Variants in EYS observed in about 807,000 individuals in gnomAD.
The protein encoded by EYS is protein eyes shut homolog.
Under a neutral mutation model 282.1 loss-of-function variants are expected in EYS, and 250 were observed. The ratio of observed to expected loss-of-function variants is 0.89; its 90% CI spans 0.80 to 0.98. The LOEUF is 0.98. EYS is among the 50% of genes least tolerant of loss of function. EYS has a pLI of 0.00. For missense variants in EYS, 4,016 were observed against 3,709.0 expected (o/e 1.08, Z -2.15); for synonymous variants, 1,355 against 1,282.9 (o/e 1.06, Z -1.20).
At chr6:65,361,150 G>T (rs1183184583) in intron 8 of EYS, among the ~76,000 whole-genome samples, 2 of 151,764 alleles carry the variant, frequency 1.3e-5, no homozygotes, top group Non-Finnish European at 2.9e-5. Context: ...TCATAGGTGG[G>T]AATTGTACAA....
chr6:65,008,750 C>T (rs1374827308), intron 13 of EYS, among the ~76,000 whole-genome samples: 3 of 152,154 alleles, frequency 2.0e-5, no homozygotes, highest in African/African-American at 7.2e-5. Context: ...GTGCCTGGGG[C>T]AAGCGCCAGC....
intron 29 of EYS, among the ~76,000 whole-genome samples, chr6:64,340,023 C>T (rs1286554295): frequency 7.3e-6 from 1 of 136,876 alleles, no homozygotes; most frequent in African/African-American, 2.8e-5. Flanking sequence ...CATCAAATAT[C>T]ACTTGTACCC....
At chr6:65,052,393 C>T (rs1262377555) in intron 13 of EYS, among the ~76,000 whole-genome samples, 1 of 151,382 alleles carries the variant, frequency 6.6e-6, no homozygotes, top group Non-Finnish European at 1.5e-5. Flanking sequence ...TTTTGTATAT[C>T]AAGACAAATT....
chr6:65,178,332 G>C (rs548582674), intron 12 of EYS, among the ~76,000 whole-genome samples: 1 of 151,964 alleles, frequency 6.6e-6, no homozygotes, highest in African/African-American at 2.4e-5. Flanking sequence ...TTACTGTCTT[G>C]GGTAAATTCC....
chr6:64,492,194 T>C (rs1776759962), intron 26 of EYS, among the ~76,000 whole-genome samples: 1 of 151,140 alleles, frequency 6.6e-6, no homozygotes, highest in East Asian at 1.9e-4. Context: ...AATGAGAAAG[T>C]GGGAAATGTG....
intron 15 of EYS, among the ~76,000 whole-genome samples, chr6:64,929,167 A>C (rs1293963146): frequency 2.0e-5 from 3 of 152,144 alleles, no homozygotes; most frequent in African/African-American, 7.2e-5. Flanking sequence ...AAAGGGGGGA[A>C]ATTTTGACAC....
chr6:65,176,960 T>C (rs1765240382), intron 12 of EYS, among the ~76,000 whole-genome samples: 1 of 151,692 alleles, frequency 6.6e-6, no homozygotes, highest in Admixed American at 6.6e-5. Flanking sequence ...GTTCATATCA[T>C]TATCATATAC....
rs867946761 is a variant in EYS at position 65,490,653 on chromosome 6, C to T, written c.803G>A (p.Gly268Glu). The T allele has an allele frequency of 6.2e-7, 1 of 1,612,842 alleles. No individual in the cohort carries two copies. Among genetic ancestry groups the T allele is most frequent in the Non-Finnish European group, 8.5e-7 (1 of 1,179,248 alleles). ...ATTTGAAGTAATATTGCTGCAGTTT[C>T]CATGGAAACAGACATGTGGTTGACA... The part of the protein sequence containing the change: ...GQCQPHVCFH[G>E]NCSNITSNSF... Residue 268 changes from glycine (G) to glutamate (E), a missense_variant, in exon 5 of 43, where the codon GGA (glycine) becomes GAA (glutamate). Gly to Glu is a moderately conservative substitution (Grantham distance 98, BLOSUM62 -2). Transcript: ENST00000503581.
At chr6:64,429,214 T>C (rs1774505442) in intron 28 of EYS, among the ~76,000 whole-genome samples, 1 of 152,178 alleles carries the variant, frequency 6.6e-6, no homozygotes, top group Non-Finnish European at 1.5e-5. Context: ...AATTTTATAA[T>C]AGGTAATATG....
At chr6:64,458,126 A>T (rs1775615862) in intron 26 of EYS, among the ~76,000 whole-genome samples, 1 of 152,056 alleles carries the variant, frequency 6.6e-6, no homozygotes, top group Non-Finnish European at 1.5e-5. Context: ...CATTTTCTTA[A>T]ATTACATATA....
At chr6:64,703,893 C>A (rs1014410637) in intron 22 of EYS, among the ~76,000 whole-genome samples, 1 of 151,954 alleles carries the variant, frequency 6.6e-6, no homozygotes, top group Non-Finnish European at 1.5e-5. Context: ...GTGAAAATAA[C>A]GAGGGCATTA....
At chr6:64,323,652 T>A (rs1039954906) in intron 29 of EYS, among the ~76,000 whole-genome samples, 4 of 152,284 alleles carry the variant, frequency 2.6e-5, no homozygotes, top group Middle Eastern at 3.4e-3. Context: ...AGCTAGGGGC[T>A]AATTCTTCAC....
At chr6:65,132,741 G>A (rs754455881) in intron 12 of EYS, among the ~76,000 whole-genome samples, 4 of 151,356 alleles carry the variant, frequency 2.6e-5, no homozygotes, top group African/African-American at 4.9e-5. Flanking sequence ...TAAATAAAGC[G>A]TATTCAAATA....
intron 2 of EYS, among the ~76,000 whole-genome samples, chr6:65,639,187 T>C (rs1363035732): frequency 6.6e-6 from 1 of 152,144 alleles, no homozygotes; most frequent in Non-Finnish European, 1.5e-5. Context: ...CCTGAGAATG[T>C]ATGATTAAGA....
At chr6:65,580,926 T>C (rs574233349) in intron 2 of EYS, among the ~76,000 whole-genome samples, 1 of 152,108 alleles carries the variant, frequency 6.6e-6, no homozygotes, top group African/African-American at 2.4e-5. Flanking sequence ...GTATTTCAAA[T>C]TGTAAGCATT....
rs186855483 is a variant in EYS at position 65,166,703 on chromosome 6, T to C, written c.2024-108976A>G. Among the ~76,000 whole-genome samples, 17 of 151,150 alleles carry C rather than the reference T, an allele frequency of 1.1e-4. No individual in the cohort carries two copies. The Admixed American group carries it at 1.1e-3, about 10-fold the overall frequency. On this transcript the variant is annotated intron_variant, in intron 12 of 42. Transcript: ENST00000503581. Reference sequence around the variant, plus strand: ...TAACAAAATCATAAGTGACAAAAAATATTAACATATTTTATGTTTCAAAGG... The same window carrying C: ...TAACAAAATCATAAGTGACAAAAAACATTAACATATTTTATGTTTCAAAGG...
intron 30 of EYS, among the ~76,000 whole-genome samples, chr6:64,306,194 A>G (rs1010251168): frequency 9.9e-5 from 15 of 152,134 alleles, no homozygotes; most frequent in Non-Finnish European, 1.6e-4. Context: ...GGGCTTCTAA[A>G]GGAAAAGAGG....
At chr6:64,274,235 G>A (rs1181496582) in intron 30 of EYS, among the ~76,000 whole-genome samples, 1 of 152,162 alleles carries the variant, frequency 6.6e-6, no homozygotes, top group Non-Finnish European at 1.5e-5. Flanking sequence ...GAGTGCAGTA[G>A]TGTGATCTCA....
At chr6:65,287,911 T>C (rs1768414289) in intron 12 of EYS, among the ~76,000 whole-genome samples, 1 of 151,228 alleles carries the variant, frequency 6.6e-6, no homozygotes, top group African/African-American at 2.4e-5. Flanking sequence ...TCCTATATTC[T>C]ATTTGGTTAG....
Sources: allele counts gnomAD v4.1 joint callset (sites outside exome capture counted in the v4.1 genomes callset), GRCh38; gene constraint gnomAD v4.1.1; transcripts MANE v1.5; gene names NCBI Gene and HGNC (gene_info 2026-07-23, HGNC 2026-07-21).